The following GPC6 variants were observed in gnomAD, a reference collection of about 807,000 sequenced individuals.
The protein encoded by GPC6 is glypican 6.
GPC6 carries 14 observed loss-of-function variants against 55.2 expected under a neutral mutation model. The observed-to-expected ratio is 0.25, with a 90% CI of 0.17 to 0.40. The LOEUF is 0.40. Ranked by LOEUF, GPC6 falls within the 10% of genes least tolerant of loss-of-function variation. The pLI, the probability that GPC6 is intolerant of heterozygous loss-of-function variation, is 1.00. For missense variants in GPC6, 641 were observed against 708.5 expected, an observed-to-expected ratio of 0.90 and a Z score of 1.08; for synonymous variants, 278 against 259.6, an observed-to-expected ratio of 1.07 and a Z score of -0.68.
intron 1 of GPC6, among the ~76,000 whole-genome samples, chr13:93,281,356 T>C (rs1412367186): frequency 6.6e-6 from 1 of 152,198 alleles, no homozygotes; most frequent in Non-Finnish European, 1.5e-5. Context: ...GATTCATAGA[T>C]TGCCATCATC....
intron 2 of GPC6, among the ~76,000 whole-genome samples, chr13:93,567,167 T>C (rs967962215): frequency 1.3e-5 from 2 of 152,174 alleles, no homozygotes; most frequent in African/African-American, 4.8e-5. Flanking sequence ...TTGAACTAAT[T>C]TACACTTCCA....
chr13:93,578,931 C>G (rs1196118653), intron 2 of GPC6, among the ~76,000 whole-genome samples: 2 of 151,890 alleles, frequency 1.3e-5, no homozygotes, highest in Non-Finnish European at 2.9e-5. Context: ...CTTTTGAAAT[C>G]CTCTTATTTA....
chr13:94,079,209 T>G, intron 4 of GPC6, among the ~76,000 whole-genome samples: 1 of 152,078 alleles, frequency 6.6e-6, no homozygotes, highest in East Asian at 1.9e-4. Context: ...CGGATTTTTA[T>G]ATTTCACGGA....
Position 93,811,799 on chromosome 13 carries a change from G to A in GPC6, c.320-18355G>A, listed in dbSNP as rs117224840. On this transcript the variant is annotated intron_variant, in intron 2 of 8. Transcript: ENST00000377047. The stretch of plus-strand genomic sequence containing the variant: ...GATTAATGCTAAAAAATATGTGTAA[G>A]GAAACAAAAAGAAACTTATTAAATC... Among the ~76,000 whole-genome samples, 83 of 152,114 alleles carry A rather than the reference G, an allele frequency of 5.5e-4. 1 individual carries two copies. The East Asian group carries it at 7.5e-3, about 14-fold the overall frequency.
intron 1 of GPC6, among the ~76,000 whole-genome samples, chr13:93,530,893 T>C (rs751901073): frequency 7.2e-5 from 11 of 152,186 alleles, no homozygotes; most frequent in Non-Finnish European, 1.6e-4. Flanking sequence ...GGAGTATTTA[T>C]GTCATGGAAA....
At chr13:93,231,425 GTATAT>G (rs1566533765) in intron 1 of GPC6, among the ~76,000 whole-genome samples, 5 of 17,032 alleles carry the variant, frequency 2.9e-4, no homozygotes, top group Admixed American at 1.4e-3. Context: ...ATATATATAC[GTATAT>G]ATATATATAT....
intron 4 of GPC6, among the ~76,000 whole-genome samples, chr13:94,079,217 G>A (rs540226982): frequency 1.3e-5 from 2 of 151,922 alleles, no homozygotes; most frequent in African/African-American, 2.4e-5. Flanking sequence ...TATATTTCAC[G>A]GATCCTGGAA....
chr13:94,010,977 G>C (rs1364072267), intron 3 of GPC6, among the ~76,000 whole-genome samples: 1 of 152,094 alleles, frequency 6.6e-6, no homozygotes, highest in East Asian at 1.9e-4. Context: ...GAAACACCAA[G>C]ATGATATTAA....
At chr13:94,309,866 C>A (rs1876149102) in intron 6 of GPC6, among the ~76,000 whole-genome samples, 1 of 152,196 alleles carries the variant, frequency 6.6e-6, no homozygotes, top group African/African-American at 2.4e-5. Flanking sequence ...TCTGTCCTAG[C>A]TGACTATTAA....
chr13:94,191,851 A>G (rs764549330), intron 4 of GPC6, among the ~76,000 whole-genome samples: 1 of 152,186 alleles, frequency 6.6e-6, no homozygotes, highest in Non-Finnish European at 1.5e-5. Flanking sequence ...AACATTAGAG[A>G]GCCAAACCCA....
At chr13:93,462,027 A>G (rs143274661) in intron 1 of GPC6, among the ~76,000 whole-genome samples, 47 of 152,286 alleles carry the variant, frequency 3.1e-4, no homozygotes, top group Non-Finnish European at 4.0e-4. Flanking sequence ...TCTTATGTAG[A>G]TACTTTTGAT....
chr13:94,119,256 G>A (rs1349384164), intron 4 of GPC6, among the ~76,000 whole-genome samples: 1 of 151,960 alleles, frequency 6.6e-6, no homozygotes, highest in Non-Finnish European at 1.5e-5. Context: ...AGAAAAAAAA[G>A]GGACAACAAT....
intron 3 of GPC6, among the ~76,000 whole-genome samples, chr13:93,847,706 A>G (rs1031124797): frequency 3.9e-5 from 6 of 152,150 alleles, no homozygotes; most frequent in African/African-American, 1.4e-4. Flanking sequence ...GTCATATTTA[A>G]TAATTCCTAT....
chr13:93,843,420 A>G (rs945694790), intron 3 of GPC6, among the ~76,000 whole-genome samples: 3 of 152,148 alleles, frequency 2.0e-5, no homozygotes, highest in Non-Finnish European at 2.9e-5. Flanking sequence ...AAAAGGGAAA[A>G]GAAAGGATGG....
intron 3 of GPC6, among the ~76,000 whole-genome samples, chr13:93,901,475 TA>T (rs1023288800): frequency 6.6e-6 from 1 of 152,130 alleles, no homozygotes; most frequent in Non-Finnish European, 1.5e-5. Flanking sequence ...GACTCCCGTT[TA>T]AAAAATATTT....
chr13:94,007,016 C>A (rs1291235039), intron 3 of GPC6, among the ~76,000 whole-genome samples: 1 of 152,172 alleles, frequency 6.6e-6, no homozygotes, highest in African/African-American at 2.4e-5. Flanking sequence ...TCCTTAGTCA[C>A]TATGCTGTTT....
chr13:93,901,036 C>T (rs954843668), intron 3 of GPC6, among the ~76,000 whole-genome samples: 2 of 152,030 alleles, frequency 1.3e-5, no homozygotes, highest in Non-Finnish European at 2.9e-5. Context: ...TATGTACTCA[C>T]GAAAGTAAAG....
chr13:94,092,671 G>C (rs1305011198), intron 4 of GPC6, among the ~76,000 whole-genome samples: 1 of 152,014 alleles, frequency 6.6e-6, no homozygotes, highest in Non-Finnish European at 1.5e-5. Context: ...TAAACCATAT[G>C]GTAGTTCTAT....
intron 7 of GPC6, among the ~76,000 whole-genome samples, chr13:94,389,161 T>A (rs962690502): frequency 1.3e-5 from 2 of 152,108 alleles, no homozygotes; most frequent in African/African-American, 4.8e-5. Flanking sequence ...AGGAAGCTAG[T>A]AAGTTACAGA....
Sources: allele counts gnomAD v4.1 joint callset (sites outside exome capture counted in the v4.1 genomes callset), GRCh38; gene constraint gnomAD v4.1.1; transcripts MANE v1.5; gene names NCBI Gene and HGNC (gene_info 2026-07-23, HGNC 2026-07-21).